Variants in ADAMTS2 observed in about 807,000 individuals in gnomAD.
The protein encoded by ADAMTS2 is ADAM metallopeptidase with thrombospondin type 1 motif 2.
Under a neutral mutation model 123.0 loss-of-function variants are expected in ADAMTS2, and 50 were observed. That is an observed-to-expected ratio of 0.41 (90% CI 0.32 to 0.51). The LOEUF is 0.51. Ranked by LOEUF, ADAMTS2 falls within the 20% of genes least tolerant of loss-of-function variation. The pLI is 0.35. For synonymous variants in ADAMTS2, 678 were observed against 695.4 expected (o/e 0.98, Z 0.39); for missense variants, 1,494 against 1,705.2 (o/e 0.88, Z 2.18).
intron 20 of ADAMTS2, 29 bp from the exon 21 acceptor site, chr5:179,121,779 G>A (rs1455296820): frequency 2.7e-6 from 4 of 1,490,042 alleles, no homozygotes; most frequent in Admixed American, 2.0e-5. Context: ...GGCTGCGGCC[G>A]CAGGGCACCA....
At position 179,113,952 on chromosome 5, in the gene ADAMTS2, G is replaced by A. The variant is rs150989902; in HGVS notation, c.3551C>T (p.Pro1184Leu). 1.3e-4 allele frequency: 205 copies of A among 1,613,964 alleles called. 1 individual carries two copies. Among genetic ancestry groups the A allele is most frequent in the South Asian group, 7.7e-5 (7 of 91,070 alleles). ...VQPPNLIPRR[P>L]SPYEKTRNQR... is the part of the protein sequence containing the mutation. ...GTTTCTGGTCTTTTCATAGGGGCTC[G>A]GTCGTCGAGGGATTAGGTTGGGTGG... The change falls in exon 22 of 22, where the codon CCG becomes CTG. Residue 1184 changes from proline to leucine, a missense_variant. Coordinates refer to ENST00000251582, the MANE Select transcript of ADAMTS2 (RefSeq NM_014244.5).
At chr5:179,321,387 C>T (rs1259900219) in intron 2 of ADAMTS2, among the ~76,000 whole-genome samples, 1 of 152,182 alleles carries the variant, frequency 6.6e-6, no homozygotes, top group Non-Finnish European at 1.5e-5. Flanking sequence ...CTCACTGGCC[C>T]CTCACCTGGT....
Position 179,119,848 on chromosome 5 carries a change from C to T in ADAMTS2, c.3178+1813G>A, listed in dbSNP as rs60148805. 4.4e-3 allele frequency among the ~76,000 whole-genome samples: 674 copies of T among 152,354 alleles called. 4 individuals carry two copies. Among genetic ancestry groups the T allele is most frequent in the African/African-American group, 0.015 (637 of 41,588 alleles). ...GCTCCAAAGATGAGGAGAAACCCAT[C>T]TCGGGCCCTTTTCCTGACGAGGAGA... On this transcript the variant is annotated intron_variant, in intron 21 of 21. Coordinates refer to ENST00000251582, the MANE Select transcript of ADAMTS2 (RefSeq NM_014244.5).
chr5:179,270,310 T>C (rs908915914), intron 3 of ADAMTS2, among the ~76,000 whole-genome samples: 2 of 152,082 alleles, frequency 1.3e-5, no homozygotes, highest in African/African-American at 4.8e-5. Flanking sequence ...CCCAGACAGA[T>C]GCCCATCCCC....
chr5:179,139,867 A>C (rs758094644), intron 11 of ADAMTS2, 23 bp downstream of exon 11: 1 of 1,611,406 alleles, frequency 6.2e-7, no homozygotes. Context: ...CAGCAAGGCC[A>C]GGGGGACATG....
In ADAMTS2 at chr5:179,234,005, T is replaced by C. The variant is rs1263075117; in HGVS notation, c.689-26290A>G. On this transcript the variant is annotated intron_variant, in intron 3 of 21. Transcript: ENST00000251582. The surrounding 1 kb of genome is among the most constrained non-coding windows in gnomAD (Gnocchi z 4.7). ...AAAGGTAGTGGTGTCACTAAACACC[T>C]GGTCACAATGGTTAAGACCCTCCTG... Among the ~76,000 whole-genome samples, 2 of 152,148 alleles carry C rather than the reference T, an allele frequency of 1.3e-5. No homozygotes were observed. The highest frequency in any genetic ancestry group is 2.9e-5 in the Non-Finnish European group (2 of 68,018).
chr5:179,133,622 C>A (rs947163877), intron 13 of ADAMTS2, among the ~76,000 whole-genome samples: 7 of 151,970 alleles, frequency 4.6e-5, no homozygotes, highest in South Asian at 2.1e-4. Context: ...ATTTTTTGAC[C>A]CAGTATTAGG....
intron 11 of ADAMTS2, among the ~76,000 whole-genome samples, chr5:179,139,473 A>T (rs968545926): frequency 6.6e-6 from 1 of 152,046 alleles, no homozygotes; most frequent in Non-Finnish European, 1.5e-5. Context: ...TCCCCTGGGC[A>T]GCCAGACACT....
chr5:179,297,601 C>T (rs1340504719), intron 2 of ADAMTS2, among the ~76,000 whole-genome samples: 1 of 152,168 alleles, frequency 6.6e-6, no homozygotes, highest in Non-Finnish European at 1.5e-5. Context: ...CCCCGGCTTC[C>T]CTCTCCAGGG....
At position 179,302,733 on chromosome 5, in the gene ADAMTS2, G is replaced by A. The variant is rs544712119; in HGVS notation, c.535-29669C>T. Among the ~76,000 whole-genome samples the A allele has an allele frequency of 5.3e-5, 8 of 152,128 alleles. No homozygotes were observed. In the East Asian group the frequency reaches 5.8e-4, roughly 11 times the overall value. On this transcript the variant is annotated intron_variant, in intron 2 of 21. Coordinates refer to ENST00000251582, the MANE Select transcript of ADAMTS2 (RefSeq NM_014244.5). ...AGCACAGAGTATTGTTGAGGGGGGC[G>A]GGGGACTTCCTGGAAGAGATGACAC...
intron 3 of ADAMTS2, among the ~76,000 whole-genome samples, chr5:179,269,097 G>A (rs1237811620): frequency 1.3e-5 from 2 of 152,320 alleles, no homozygotes; most frequent in Non-Finnish European, 2.9e-5. Context: ...CGTCAGAAGA[G>A]GAGGGGGCGA....
In ADAMTS2 at chr5:179,299,259, G is replaced by A. The variant is rs183043786; in HGVS notation, c.535-26195C>T. Among the ~76,000 whole-genome samples the A allele has an allele frequency of 1.4e-3, 214 of 149,174 alleles. 2 individuals carry two copies. Among genetic ancestry groups the A allele is most frequent in the African/African-American group, 5.0e-3 (202 of 40,276 alleles). ...AAAAACACAAATTTGTCCAGGCGCG[G>A]TGGCTCACGCCTGTAATCCCAGCAC... On this transcript the variant is annotated intron_variant, in intron 2 of 21. Transcript: ENST00000251582.
rs1017119148 is a variant in ADAMTS2, at chr5:179,216,449, G to A, written c.689-8734C>T. The stretch of plus-strand genomic sequence containing the variant: ...CCCCACCGAGAGCTGGAGGCAGGCC[G>A]TGGCGAGCTTAGAAGCAGGACGTAC... On this transcript the variant is annotated intron_variant, in intron 3 of 21. Transcript: ENST00000251582. 6.6e-5 allele frequency among the ~76,000 whole-genome samples: 10 copies of A among 151,572 alleles called. 1 individual carries two copies. Among genetic ancestry groups the A allele is most frequent in the South Asian group, 4.2e-4 (2 of 4,812 alleles).
chr5:179,194,099 T>A (rs918718628), intron 4 of ADAMTS2, among the ~76,000 whole-genome samples: 2 of 152,088 alleles, frequency 1.3e-5, no homozygotes, highest in Admixed American at 1.3e-4. Flanking sequence ...CTGACAACCA[T>A]CAGTTCCCCG....
At chr5:179,290,686 T>G (rs1205112492) in intron 2 of ADAMTS2, among the ~76,000 whole-genome samples, 2 of 152,198 alleles carry the variant, frequency 1.3e-5, no homozygotes, top group African/African-American at 4.8e-5. Flanking sequence ...AAAATAAAAC[T>G]GGGCCCCAGC....
rs1424135024 is a variant in ADAMTS2 at position 179,228,106 on chromosome 5, C to G, written c.689-20391G>C. On this transcript the variant is annotated intron_variant, in intron 3 of 21. Coordinates refer to ENST00000251582, the MANE Select transcript of ADAMTS2 (RefSeq NM_014244.5). The surrounding 1 kb of genome is among the most constrained non-coding windows in gnomAD (Gnocchi z 5.2). Reference sequence around the variant, plus strand: ...TGAGATTTCTGTGGGGACACAAGGACAGACACCCATGAGACACTCAGGCAG... The same window carrying G: ...TGAGATTTCTGTGGGGACACAAGGAGAGACACCCATGAGACACTCAGGCAG... Among the ~76,000 whole-genome samples the G allele has an allele frequency of 6.6e-6, 1 of 152,156 alleles. No homozygotes were observed. The highest frequency in any genetic ancestry group is 1.5e-5 in the Non-Finnish European group (1 of 68,018).
chr5:179,326,749 C>A (rs1320908134), intron 2 of ADAMTS2, among the ~76,000 whole-genome samples: 1 of 152,092 alleles, frequency 6.6e-6, no homozygotes, highest in East Asian at 1.9e-4. Context: ...GAGGCTCGCT[C>A]GCCCAGGGAG....
chr5:179,217,593 G>A (rs1297915048), intron 3 of ADAMTS2, among the ~76,000 whole-genome samples: 1 of 152,220 alleles, frequency 6.6e-6, no homozygotes, highest in African/African-American at 2.4e-5. Context: ...AATGTAGCGA[G>A]GCACCTTTTT....
intron 2 of ADAMTS2, among the ~76,000 whole-genome samples, chr5:179,292,711 G>A (rs1220944352): frequency 2.6e-5 from 4 of 152,070 alleles, no homozygotes; most frequent in African/African-American, 9.7e-5. Context: ...GCTTGCCCAA[G>A]GTGACTCTCT....
Sources: allele counts gnomAD v4.1 joint callset (sites outside exome capture counted in the v4.1 genomes callset), GRCh38; gene constraint gnomAD v4.1.1; non-coding constraint Gnocchi (gnomAD v3.1); transcripts MANE v1.5; gene names NCBI Gene and HGNC (gene_info 2026-07-23, HGNC 2026-07-21).